Variants in MYO10 observed in about 807,000 individuals in gnomAD.
MYO10 encodes unconventional myosin-X.
A neutral mutation model predicts 257.3 loss-of-function variants in MYO10; 133 were observed. The ratio of observed to expected loss-of-function variants is 0.52; its 90% CI spans 0.45 to 0.60. The LOEUF is 0.60. Among genes scored for constraint, MYO10 ranks in the 20% least tolerant of loss-of-function variants. MYO10 has a pLI of 0.00. For synonymous variants in MYO10, 1,104 were observed against 1,028.6 expected (o/e 1.07, Z -1.40); for missense variants, 2,399 against 2,635.7 (o/e 0.91, Z 1.97).
intron 10 of MYO10, among the ~76,000 whole-genome samples, chr5:16,768,170 C>T (rs1740935593): frequency 6.6e-6 from 1 of 152,110 alleles, no homozygotes; most frequent in African/African-American, 2.4e-5. Context: ...TTCCAGCTTC[C>T]ATGACCTCAT....
chr5:16,881,839 G>A (rs1052379308), intron 1 of MYO10, among the ~76,000 whole-genome samples: 1 of 151,966 alleles, frequency 6.6e-6, no homozygotes, highest in Non-Finnish European at 1.5e-5. Context: ...GTTGGAGTGG[G>A]AAAGAAAAAT....
intron 1 of MYO10, among the ~76,000 whole-genome samples, chr5:16,922,785 C>CAGG (rs1746025101): frequency 1.3e-5 from 2 of 152,222 alleles, no homozygotes; most frequent in African/African-American, 4.8e-5. Flanking sequence ...AATTCCAGCA[C>CAGG]TCTGGGACGC....
At chr5:16,895,483 T>C (rs1745190858) in intron 1 of MYO10, among the ~76,000 whole-genome samples, 2 of 152,108 alleles carry the variant, frequency 1.3e-5, no homozygotes, top group South Asian at 2.1e-4. Context: ...CCACTACCCC[T>C]GGATGACACG....
At chr5:16,718,228 C>A (rs1738975710) in intron 19 of MYO10, among the ~76,000 whole-genome samples, 1 of 152,206 alleles carries the variant, frequency 6.6e-6, no homozygotes, top group Non-Finnish European at 1.5e-5. Context: ...CATGCCTGAG[C>A]CTCCCACCCA....
intron 35 of MYO10, 61 bp from the exon 36 acceptor site, chr5:16,673,950 C>G (rs1736599726): frequency 1.5e-5 from 22 of 1,489,330 alleles, no homozygotes; most frequent in Non-Finnish European, 2.0e-5. Flanking sequence ...CTGGGAGGAA[C>G]TAGGCTGTGC....
chr5:16,740,389 C>G (rs1168579549), intron 19 of MYO10, among the ~76,000 whole-genome samples: 1 of 151,750 alleles, frequency 6.6e-6, no homozygotes, highest in Non-Finnish European at 1.5e-5. Flanking sequence ...GCTAGACGGA[C>G]AGGGGTGGGA....
At chr5:16,845,962 CA>C (rs577032283) in intron 2 of MYO10, among the ~76,000 whole-genome samples, 9 of 140,478 alleles carry the variant, frequency 6.4e-5, no homozygotes, top group Middle Eastern at 3.6e-3. Context: ...GACTCTGTCT[CA>C]AAAAAAAAAG....
rs1554036064 is a variant in MYO10, at chr5:16,698,623, G to GTTTTTGTT, written c.3556+826_3556+827insAACAAAAA. On this transcript the variant is annotated intron_variant, in intron 26 of 40. Transcript: ENST00000513610. ...TATCCCTGGCAGGAGAGAACATGCA[G>GTTTTTGTT]TTTTTTTTTTTTTTTTTTGAGACAG... is the stretch of plus-strand genomic sequence containing the variant. Among the ~76,000 whole-genome samples the GTTTTTGTT allele has an allele frequency of 7.9e-5, 9 of 113,860 alleles. 1 individual carries two copies. Among genetic ancestry groups the GTTTTTGTT allele is most frequent in the Middle Eastern group, 4.4e-3 (1 of 228 alleles). The allele number at this position is 113,860 out of a possible 152,430, so 74.7% of individuals were successfully genotyped here. A position where few individuals can be genotyped will look rare whatever the true frequency, so the allele number is the denominator to read the frequency against.
At chr5:16,877,555 A>T in intron 2 of MYO10, 54 bp downstream of exon 2, 2 of 1,434,626 alleles carry the variant, frequency 1.4e-6, no homozygotes, top group Admixed American at 1.7e-5. Context: ...CCTGGGCACG[A>T]ATAGCTACAA....
chr5:16,669,762 T>C (rs1040384315), intron 39 of MYO10, among the ~76,000 whole-genome samples: 4 of 152,194 alleles, frequency 2.6e-5, no homozygotes, highest in Non-Finnish European at 4.4e-5. Context: ...TCATCAGATA[T>C]ACGCTGAATT....
chr5:16,712,613 C>T (rs904245494), intron 19 of MYO10, among the ~76,000 whole-genome samples: 2 of 152,148 alleles, frequency 1.3e-5, no homozygotes, highest in Admixed American at 6.5e-5. Flanking sequence ...GGCATAAAGC[C>T]GTGTTATTCT....
At position 16,701,025 on chromosome 5, in the gene MYO10, A is replaced by G. The variant is rs1306775469; in HGVS notation, c.3370T>C (p.Ser1124Pro). The change falls in exon 25 of 41, where the codon TCT (serine) becomes CCT (proline). Residue 1124 changes from serine to proline, a missense_variant. Coordinates refer to ENST00000513610, the MANE Select transcript of MYO10 (RefSeq NM_012334.3). The surrounding 1 kb of genome is among the most constrained non-coding windows in gnomAD (Gnocchi z 8.1). ...GSQWSPDYRC[S>P]VGTYNSSGAY... ...CCCGAGCTGTTGTAGGTCCCCACAGAGCAGCGGTAGTCGGGGGACCACTGG... is the reference window on the plus strand; with the variant it reads ...CCCGAGCTGTTGTAGGTCCCCACAGGGCAGCGGTAGTCGGGGGACCACTGG... 1.3e-6 allele frequency: 2 copies of G among 1,563,040 alleles called. No homozygotes were observed. Among genetic ancestry groups the G allele is most frequent in the East Asian group, 2.4e-5 (1 of 41,704 alleles).
chr5:16,806,767 C>T (rs1176233312), intron 3 of MYO10, among the ~76,000 whole-genome samples: 1 of 151,978 alleles, frequency 6.6e-6, no homozygotes, highest in Non-Finnish European at 1.5e-5. Flanking sequence ...GCAGAAATAA[C>T]TCATCTAAAC....
At chr5:16,935,398 T>C (rs925588700) in intron 1 of MYO10, among the ~76,000 whole-genome samples, 3 of 152,118 alleles carry the variant, frequency 2.0e-5, no homozygotes, top group Non-Finnish European at 4.4e-5. Flanking sequence ...AAGACCTTTC[T>C]TGGAGAAAGG....
intron 11 of MYO10, 75 bp downstream of exon 11, chr5:16,766,005 A>AT: frequency 1.0e-6 from 1 of 990,020 alleles, no homozygotes; most frequent in South Asian, 1.4e-5. Context: ...ATAATTACAT[A>AT]TTTCAATCAA....
chr5:16,830,718 G>A (rs1414814097), intron 2 of MYO10, among the ~76,000 whole-genome samples: 1 of 83,430 alleles, frequency 1.2e-5, no homozygotes, highest in African/African-American at 4.4e-5. Context: ...CTGTACTCTT[G>A]GGCCTTCATT....
At chr5:16,704,505 C>A in intron 22 of MYO10, 74 bp downstream of exon 22, 1 of 1,314,558 alleles carries the variant, frequency 7.6e-7, no homozygotes, top group Non-Finnish European at 1.1e-6. Context: ...CAGGCCACTC[C>A]ACTGGAACAC....
At chr5:16,914,757 C>T (rs544663432) in intron 1 of MYO10, among the ~76,000 whole-genome samples, 18 of 152,208 alleles carry the variant, frequency 1.2e-4, no homozygotes, top group Admixed American at 2.6e-4. Context: ...TCCTTGGAAC[C>T]GGCAAGCCAC....
At chr5:16,899,035 T>C (rs899173162) in intron 1 of MYO10, among the ~76,000 whole-genome samples, 1 of 147,944 alleles carries the variant, frequency 6.8e-6, no homozygotes, top group Non-Finnish European at 1.5e-5. Flanking sequence ...CTTGGGAGGC[T>C]GAGGCAGGAG....
Sources: allele counts gnomAD v4.1 joint callset (sites outside exome capture counted in the v4.1 genomes callset), GRCh38; gene constraint gnomAD v4.1.1; non-coding constraint Gnocchi (gnomAD v3.1); transcripts MANE v1.5; gene names NCBI Gene and HGNC (gene_info 2026-07-23, HGNC 2026-07-21).